NMNAT2: variants seen among roughly 807,000 people sequenced by gnomAD.
The protein encoded by NMNAT2 is nicotinamide/nicotinic acid mononucleotide adenylyltransferase 2.
NMNAT2 carries 11 observed loss-of-function variants against 41.6 expected under a neutral mutation model. That is an observed-to-expected ratio of 0.26 (90% CI 0.17 to 0.44). NMNAT2 has a LOEUF of 0.44. Ranked by LOEUF, NMNAT2 falls within the 20% of genes least tolerant of loss-of-function variation. NMNAT2 has a pLI of 1.00. For synonymous variants in NMNAT2, 148 were observed against 151.2 expected (o/e 0.98, Z 0.16); for missense variants, 288 against 407.7 (o/e 0.71, Z 2.53).
rs66514054 is a variant in NMNAT2 at position 183,297,383 on chromosome 1, C to CT, written c.86-3591dup. 2.6e-3 allele frequency among the ~76,000 whole-genome samples: 369 copies of CT among 143,508 alleles called. 1 individual carries two copies. Among genetic ancestry groups the CT allele is most frequent in the African/African-American group, 5.9e-3 (227 of 38,708 alleles). 94.1% of individuals were successfully genotyped at this position (143,508 alleles called of 152,430 possible). On this transcript the variant is annotated intron_variant, in intron 1 of 10. Transcript: ENST00000287713. ...CTAGAAAGTAGAAAAGGAAGGAACCCTTTTTTTTTTTTTTTTGAGACGGAG... is the reference window on the plus strand; with the variant it reads ...CTAGAAAGTAGAAAAGGAAGGAACCCTTTTTTTTTTTTTTTTTGAGACGGAG...
At chr1:183,339,417 T>C (rs1292789252) in intron 1 of NMNAT2, among the ~76,000 whole-genome samples, 1 of 152,154 alleles carries the variant, frequency 6.6e-6, no homozygotes, top group African/African-American at 2.4e-5. Context: ...TTTTAAGTCC[T>C]CAGGGATGGG....
In NMNAT2 at chr1:183,252,408, C is replaced by T. The variant is rs200339759; in HGVS notation, c.*233G>A. Reference sequence around the variant, plus strand: ...CAAGGACTGCACTTCCCCCGACTCCCACCCCATTCCCTCACCCACCCCCAA... The same window carrying T: ...CAAGGACTGCACTTCCCCCGACTCCTACCCCATTCCCTCACCCACCCCCAA... On this transcript the variant is annotated 3_prime_UTR_variant, in exon 11 of 11. Coordinates refer to ENST00000287713, the MANE Select transcript of NMNAT2 (RefSeq NM_015039.4). 6.4e-6 allele frequency: 3 copies of T among 469,748 alleles called. No homozygotes were observed. The highest frequency in any genetic ancestry group is 7.9e-6 in the Non-Finnish European group (2 of 254,314). 29.1% of individuals were successfully genotyped at this position (469,748 alleles called of 1,614,324 possible). A position where few individuals can be genotyped will look rare whatever the true frequency, so the allele number is the denominator to read the frequency against.
At chr1:183,312,531 C>G (rs993320302) in intron 1 of NMNAT2, among the ~76,000 whole-genome samples, 2 of 150,456 alleles carry the variant, frequency 1.3e-5, no homozygotes, top group Non-Finnish European at 2.9e-5. Context: ...TATTTTATTA[C>G]TTTTAAAACT....
chr1:183,319,854 T>C (rs1401683905), intron 1 of NMNAT2, among the ~76,000 whole-genome samples: 1 of 152,240 alleles, frequency 6.6e-6, no homozygotes, highest in Non-Finnish European at 1.5e-5. Context: ...TGATCTGCCG[T>C]GTCTTTGAGC....
chr1:183,387,839 G>A (rs955525650), intron 1 of NMNAT2, among the ~76,000 whole-genome samples: 1 of 152,142 alleles, frequency 6.6e-6, no homozygotes, highest in Admixed American at 6.5e-5. Flanking sequence ...CTGAAGTGCC[G>A]AAGGCTCAAC....
intron 1 of NMNAT2, among the ~76,000 whole-genome samples, chr1:183,417,833 C>T (rs1034537039): frequency 1.3e-5 from 2 of 152,214 alleles, no homozygotes; most frequent in East Asian, 1.9e-4. Flanking sequence ...CCTCTGCCCC[C>T]ATCCCGGTCT....
At chr1:183,303,751 A>G (rs907651992) in intron 1 of NMNAT2, among the ~76,000 whole-genome samples, 2 of 152,230 alleles carry the variant, frequency 1.3e-5, no homozygotes, top group African/African-American at 4.8e-5. Flanking sequence ...TTGAGTCTGA[A>G]GTAAGTCTGA....
intron 10 of NMNAT2, among the ~76,000 whole-genome samples, chr1:183,256,539 T>G (rs1660519888): frequency 6.6e-6 from 1 of 152,258 alleles, no homozygotes. Flanking sequence ...ATGCTTTATC[T>G]GCATCAATTG....
At chr1:183,410,752 C>CTTT (rs11462316) in intron 1 of NMNAT2, among the ~76,000 whole-genome samples, 5 of 145,868 alleles carry the variant, frequency 3.4e-5, no homozygotes, top group Admixed American at 2.8e-4. Flanking sequence ...TTTTAATTTC[C>CTTT]TTTTTTTTTT....
intron 1 of NMNAT2, among the ~76,000 whole-genome samples, chr1:183,329,719 C>A (rs913734187): frequency 3.9e-5 from 6 of 152,140 alleles, no homozygotes; most frequent in African/African-American, 1.4e-4. Context: ...TCTTGATAAC[C>A]CCCAAGGTGA....
chr1:183,271,541 A>G (rs1660988967), intron 8 of NMNAT2, among the ~76,000 whole-genome samples: 1 of 152,218 alleles, frequency 6.6e-6, no homozygotes, highest in Non-Finnish European at 1.5e-5. Context: ...AATAACGGCC[A>G]ACATTTATGG....
At chr1:183,360,895 T>A (rs1054330665) in intron 1 of NMNAT2, among the ~76,000 whole-genome samples, 5 of 152,226 alleles carry the variant, frequency 3.3e-5, no homozygotes, top group Non-Finnish European at 7.3e-5. Flanking sequence ...AAAAAATACA[T>A]AATTATAAAA....
intron 1 of NMNAT2, among the ~76,000 whole-genome samples, chr1:183,341,318 A>G (rs933370654): frequency 2.0e-5 from 3 of 152,012 alleles, no homozygotes; most frequent in African/African-American, 4.8e-5. Context: ...TATAAACAAT[A>G]TAAGTGAGGC....
intron 1 of NMNAT2, among the ~76,000 whole-genome samples, chr1:183,402,069 T>TA (rs145609653): frequency 1.3e-4 from 19 of 149,434 alleles, no homozygotes; most frequent in East Asian, 3.9e-4. Flanking sequence ...TAAAGTATAA[T>TA]AAAAAAAAAA....
At chr1:183,404,917 T>C (rs1011941184) in intron 1 of NMNAT2, among the ~76,000 whole-genome samples, 4 of 152,144 alleles carry the variant, frequency 2.6e-5, no homozygotes, top group Admixed American at 6.6e-5. Flanking sequence ...GAAGCAATTA[T>C]GCACCAACTA....
chr1:183,297,944 A>G (rs1661746882), intron 1 of NMNAT2, among the ~76,000 whole-genome samples: 1 of 152,242 alleles, frequency 6.6e-6, no homozygotes, highest in Non-Finnish European at 1.5e-5. Flanking sequence ...CAGCAAGCTA[A>G]AGAAAAATCT....
chr1:183,412,976 C>CTTGCT (rs1406224945), intron 1 of NMNAT2, among the ~76,000 whole-genome samples: 2 of 152,212 alleles, frequency 1.3e-5, no homozygotes, highest in East Asian at 3.8e-4. Flanking sequence ...GCCTCAGAGT[C>CTTGCT]TTGCTCCTTT....
intron 1 of NMNAT2, among the ~76,000 whole-genome samples, chr1:183,408,074 T>A (rs974271058): frequency 1.3e-5 from 2 of 152,232 alleles, no homozygotes; most frequent in African/African-American, 2.4e-5. Context: ...AGAGATTTAG[T>A]TTAGACTGAA....
At chr1:183,286,223 C>A (rs993129815) in intron 5 of NMNAT2, among the ~76,000 whole-genome samples, 1 of 152,074 alleles carries the variant, frequency 6.6e-6, no homozygotes, top group Non-Finnish European at 1.5e-5. Flanking sequence ...AGGTGTGTGC[C>A]ACCATGCCCA....
Sources: gnomAD v4.1 joint callset for allele counts (sites outside exome capture counted in the v4.1 genomes callset) on GRCh38, gnomAD v4.1.1 for gene constraint, MANE v1.5 for transcripts, NCBI Gene and HGNC (gene_info 2026-07-23, HGNC 2026-07-21) for gene names.